Variants in SMG7 observed in about 807,000 individuals in gnomAD.
SMG7 encodes SMG7 nonsense mediated mRNA decay factor, also known as nonsense-mediated mRNA decay factor SMG7.
Under a neutral mutation model 148.2 loss-of-function variants are expected in SMG7, and 34 were observed. The ratio of observed to expected loss-of-function variants is 0.23; its 90% CI spans 0.17 to 0.31. The LOEUF is 0.31. Among genes scored for constraint, SMG7 ranks in the 10% least tolerant of loss-of-function variants. The probability of loss-of-function intolerance (pLI) is 1.00; values close to 1 mark genes in which losing one functional copy is unlikely to be tolerated. For missense variants in SMG7, 1,114 were observed against 1,408.4 expected (o/e 0.79, Z 3.35); for synonymous variants, 492 against 515.1 (o/e 0.96, Z 0.61).
intron 3 of SMG7, 76 bp from the exon 4 acceptor site, chr1:183,517,612 T>G: frequency 7.3e-7 from 1 of 1,374,828 alleles, no homozygotes; most frequent in Non-Finnish European, 1.0e-6. Context: ...CAGACAGTTC[T>G]TTCTTGTTCT....
Position 183,547,196 on chromosome 1 carries a change from G to T in SMG7, c.2836G>T (p.Asp946Tyr). Residue 946 changes from aspartate (D) to tyrosine (Y), a missense_variant, in exon 18 of 23, where the codon GAT becomes TAT. Asp to Tyr is a radical substitution (Grantham distance 160). Around this residue, in one of 4 missense-constraint regions of SMG7, gnomAD observed 788 missense variants for 894.5 expected, o/e 0.88. Transcript: ENST00000688051. ...AGAGCTGATTTTTTCTAACCCTCCTGATCTTTACCCGGCTCTGCTGGGGCC... is the reference window on the plus strand; with the variant it reads ...AGAGCTGATTTTTTCTAACCCTCCTTATCTTTACCCGGCTCTGCTGGGGCC... ...EEELIFSNPPDLYPALLGPLA... is the reference protein window; with the variant it reads ...EEELIFSNPPYLYPALLGPLA... 1 of 1,550,370 alleles carries T rather than the reference G, an allele frequency of 6.5e-7. No homozygotes were observed. The highest frequency in any genetic ancestry group is 1.2e-5 in the South Asian group (1 of 84,052).
In SMG7 at chr1:183,533,346, A is replaced by C. The variant is rs1350983952; in HGVS notation, c.1006+20A>C. 1.2e-6 allele frequency: 2 copies of C among 1,602,360 alleles called. No individual in the cohort carries two copies. Among genetic ancestry groups the C allele is most frequent in the African/African-American group, 2.7e-5 (2 of 74,366 alleles). On this transcript the variant is annotated intron_variant, in intron 9 of 22. Coordinates refer to ENST00000688051, the MANE Select transcript of SMG7 (RefSeq NM_001375584.1). ...TCTTTAGTGAGTATTGAATTACTTA[A>C]CATGTGCCATCTTTTTTGAAAAACA...
rs1558066054 is a variant in SMG7 at position 183,547,271 on chromosome 1, T to G, written c.2892+19T>G. On this transcript the variant is annotated intron_variant, in intron 18 of 22. Transcript: ENST00000688051. ...CCTTTTTGTATGTATTTGACATAAT[T>G]CTGCTTCTTGGTCTAACCCCCAGCT... The G allele has an allele frequency of 6.5e-7, 1 of 1,546,110 alleles. No individual in the cohort carries two copies. The highest frequency in any genetic ancestry group is 2.0e-5 in the Admixed American group (1 of 50,676).
At chr1:183,492,253 G>A (rs965158618) in intron 1 of SMG7, among the ~76,000 whole-genome samples, 1 of 152,160 alleles carries the variant, frequency 6.6e-6, no homozygotes, top group African/African-American at 2.4e-5. Flanking sequence ...TTTTCATCCA[G>A]TTGTTCCAGC....
At chr1:183,540,240 C>T (rs1194441141) in intron 12 of SMG7, among the ~76,000 whole-genome samples, 1 of 152,146 alleles carries the variant, frequency 6.6e-6, no homozygotes, top group East Asian at 1.9e-4. Context: ...TCTATGAAAC[C>T]TTTCAGAGCT....
chr1:183,546,471 G>A, intron 17 of SMG7, 134 bp downstream of exon 17: 1 of 911,876 alleles, frequency 1.1e-6, no homozygotes, highest in South Asian at 2.0e-5. Context: ...GAGTATTGGT[G>A]TAGCTCTTGG....
At chr1:183,485,476 T>C (rs1271623738) in intron 1 of SMG7, among the ~76,000 whole-genome samples, 2 of 152,210 alleles carry the variant, frequency 1.3e-5, no homozygotes, top group African/African-American at 4.8e-5. Context: ...GATTGCTTTA[T>C]CTTACTGACT....
rs370048503 is a variant in SMG7, at chr1:183,527,905, A to C, written c.485-51A>C. The stretch of plus-strand genomic sequence containing the variant: ...AAACTATAGCTGTTTTGGAAATACT[A>C]CCCTACTGTTTGTTTTTTGGGTTTT... On this transcript the variant is annotated intron_variant, in intron 5 of 22. Transcript: ENST00000688051. This position sits in a 1 kb window ranked among gnomAD's most constrained non-coding sequence, Gnocchi z 4.0. 7.8e-7 allele frequency: 1 copy of C among 1,279,934 alleles called. No homozygotes were observed. Among genetic ancestry groups the C allele is most frequent in the Non-Finnish European group, 1.1e-6 (1 of 879,340 alleles). 79.3% of individuals were successfully genotyped at this position (1,279,934 alleles called of 1,614,324 possible). A position where few individuals can be genotyped will look rare whatever the true frequency, so the allele number is the denominator to read the frequency against.
Position 183,542,424 on chromosome 1 carries a change from C to T in SMG7, c.1764C>T (p.Asn588=). 6.2e-7 allele frequency: 1 copy of T among 1,613,962 alleles called. No individual in the cohort carries two copies. The highest frequency in any genetic ancestry group is 1.7e-4 in the Middle Eastern group (1 of 6,060). The change falls in exon 14 of 23, where the codon AAC becomes AAT. Residue 588 remains asparagine (N), a synonymous_variant. Coordinates refer to ENST00000688051, the MANE Select transcript of SMG7 (RefSeq NM_001375584.1). The part of the protein sequence containing the change: ...TVTKNDGKKD[N]NKRKTETKKC... ...CTAAGAATGATGGAAAGAAGGACAA[C>T]AACAAGAGGAAAACTGAAACCAAGA...
At chr1:183,538,682 C>T (rs900428296) in intron 12 of SMG7, among the ~76,000 whole-genome samples, 2 of 152,160 alleles carry the variant, frequency 1.3e-5, no homozygotes, top group African/African-American at 4.8e-5. Flanking sequence ...CCCTTCTCAC[C>T]TCCCTAAGAA....
chr1:183,539,169 G>A (rs967922890), intron 12 of SMG7, among the ~76,000 whole-genome samples: 8 of 151,858 alleles, frequency 5.3e-5, no homozygotes, highest in African/African-American at 1.2e-4. Context: ...AAAGAGTAGC[G>A]TGGGCCAACC....
At chr1:183,542,625 C>T (rs1463642924) in intron 14 of SMG7, 123 bp downstream of exon 14, 11 of 729,558 alleles carry the variant, frequency 1.5e-5, no homozygotes, top group Non-Finnish European at 2.5e-5. Context: ...TATTTAATTG[C>T]ATAGTAAGGT....
rs543484496 is a variant in SMG7, at chr1:183,519,862, T to C, written c.312+2042T>C. On this transcript the variant is annotated intron_variant, in intron 4 of 22. Transcript: ENST00000688051. ...ACTGTATTATTTCCTGAGGACCAGT[T>C]GTTCAAATTGAAATCATTAGAAAGT... Among the ~76,000 whole-genome samples the C allele has an allele frequency of 3.9e-5, 6 of 152,326 alleles. No individual in the cohort carries two copies. The South Asian group carries it at 1.2e-3, about 32-fold the overall frequency.
rs1195539967 is a variant in SMG7, at chr1:183,551,695, T to TCTA, written c.3451-123_3451-122insCTA. ...TGACTTTTTCTAATAGCTGGATTTT[T>TCTA]ATGGGGAGTGGGGTTGGGTTTTGGG... On this transcript the variant is annotated intron_variant, in intron 22 of 22. Transcript: ENST00000688051. 2.2e-5 allele frequency: 13 copies of TCTA among 582,624 alleles called. No individual in the cohort carries two copies. The African/African-American group carries it at 2.5e-4, about 11-fold the overall frequency. The allele number at this position is 582,624 out of a possible 1,614,324, so 36.1% of individuals were successfully genotyped here.
rs1341380016 is a variant in SMG7 at position 183,551,962 on chromosome 1, C to T, written c.*31C>T. The stretch of plus-strand genomic sequence containing the variant: ...AAGTGGCAACCTGGGAATGAAGGCT[C>T]CATAAACCATGGCATGTTGGGTTTG... On this transcript the variant is annotated 3_prime_UTR_variant, in exon 23 of 23. Coordinates refer to ENST00000688051, the MANE Select transcript of SMG7 (RefSeq NM_001375584.1). 11 of 1,608,732 alleles carry T rather than the reference C, an allele frequency of 6.8e-6. No homozygotes were observed. Among genetic ancestry groups the T allele is most frequent in the South Asian group, 3.3e-5 (3 of 90,446 alleles).
chr1:183,504,380 G>A (rs376979015), intron 1 of SMG7, among the ~76,000 whole-genome samples: 1 of 151,824 alleles, frequency 6.6e-6, no homozygotes, highest in East Asian at 1.9e-4. Flanking sequence ...CGCTCTTGTT[G>A]TCCAGGCTGT....
intron 4 of SMG7, among the ~76,000 whole-genome samples, chr1:183,524,797 A>G (rs769557966): frequency 2.0e-5 from 3 of 152,176 alleles, no homozygotes; most frequent in African/African-American, 4.8e-5. Flanking sequence ...AGTGAGACAA[A>G]TTTATCAGAT....
At chr1:183,510,035 A>G (rs574430665) in intron 1 of SMG7, among the ~76,000 whole-genome samples, 5 of 152,326 alleles carry the variant, frequency 3.3e-5, no homozygotes, top group African/African-American at 1.2e-4. Flanking sequence ...ATGTTAGCAT[A>G]CTGAAATGTT....
chr1:183,544,601 TA>T, intron 15 of SMG7, 104 bp downstream of exon 15: 1 of 1,242,722 alleles, frequency 8.0e-7, no homozygotes. Flanking sequence ...TACTAAGCCA[TA>T]AAAAGTTCTA....
Sources: allele counts gnomAD v4.1 joint callset (sites outside exome capture counted in the v4.1 genomes callset), GRCh38; gene constraint gnomAD v4.1.1; regional missense constraint gnomAD v4.1.1; non-coding constraint Gnocchi (gnomAD v3.1); transcripts MANE v1.5; gene names NCBI Gene and HGNC (gene_info 2026-07-23, HGNC 2026-07-21).